Variants in PDE7B observed in about 807,000 individuals in gnomAD.
PDE7B encodes the protein phosphodiesterase 7B, also known as 3',5'-cyclic-AMP phosphodiesterase 7B.
In PDE7B, 29 loss-of-function variants were observed where a neutral mutation model predicts 56.2. That is an observed-to-expected ratio of 0.52 (90% CI 0.38 to 0.70). PDE7B has a LOEUF of 0.70. Ranked by LOEUF, PDE7B falls within the 30% of genes least tolerant of loss-of-function variation. The pLI is 0.00. For synonymous variants in PDE7B, 197 were observed against 196.9 expected (o/e 1.00, Z 0.00); for missense variants, 490 against 565.0 (o/e 0.87, Z 1.35).
At chr6:136,128,897 A>C (rs746017208) in intron 3 of PDE7B, among the ~76,000 whole-genome samples, 21 of 151,866 alleles carry the variant, frequency 1.4e-4, no homozygotes, top group Non-Finnish European at 2.5e-4. Context: ...GCTCCCCCCA[A>C]AGCCACCACC....
chr6:135,882,244 C>A (rs745437752), intron 1 of PDE7B, among the ~76,000 whole-genome samples: 1 of 152,134 alleles, frequency 6.6e-6, no homozygotes, highest in Non-Finnish European at 1.5e-5. Context: ...GTGTGACCCC[C>A]GCTGAGAACA....
At chr6:135,885,111 A>G (rs984306546) in intron 1 of PDE7B, among the ~76,000 whole-genome samples, 2 of 152,152 alleles carry the variant, frequency 1.3e-5, no homozygotes, top group African/African-American at 4.8e-5. Context: ...TAGTTCTGCC[A>G]TCATATTTCT....
At chr6:136,079,703 A>T (rs1441639605) in intron 2 of PDE7B, among the ~76,000 whole-genome samples, 1 of 147,572 alleles carries the variant, frequency 6.8e-6, no homozygotes, top group Non-Finnish European at 1.5e-5. Flanking sequence ...AACTGAAGAG[A>T]CCAGCCATTT....
At chr6:136,076,989 C>T (rs1777136716) in intron 2 of PDE7B, among the ~76,000 whole-genome samples, 1 of 151,988 alleles carries the variant, frequency 6.6e-6, no homozygotes, top group South Asian at 2.1e-4. Context: ...GGTAAGAATA[C>T]ACCATATGCG....
At chr6:136,120,902 T>C (rs1777922423) in intron 3 of PDE7B, among the ~76,000 whole-genome samples, 1 of 152,128 alleles carries the variant, frequency 6.6e-6, no homozygotes, top group Non-Finnish European at 1.5e-5. Context: ...TGGGCTAGTA[T>C]AGACAAGCCT....
At chr6:135,928,589 A>G (rs1437893837) in intron 1 of PDE7B, among the ~76,000 whole-genome samples, 2 of 147,082 alleles carry the variant, frequency 1.4e-5, no homozygotes, top group Non-Finnish European at 3.0e-5. Flanking sequence ...ACACATACAC[A>G]TACATACATA....
At chr6:135,924,187 T>C (rs996425767) in intron 1 of PDE7B, among the ~76,000 whole-genome samples, 2 of 152,200 alleles carry the variant, frequency 1.3e-5, no homozygotes, top group Non-Finnish European at 2.9e-5. Flanking sequence ...TAATTCTTAT[T>C]CCAGAAAAAT....
At chr6:136,054,349 A>G (rs935559034) in intron 2 of PDE7B, among the ~76,000 whole-genome samples, 1 of 152,180 alleles carries the variant, frequency 6.6e-6, no homozygotes, top group African/African-American at 2.4e-5. Context: ...AGGTTTGTCA[A>G]AGATCAGATA....
chr6:135,854,136 A>T (rs567264680), intron 1 of PDE7B, among the ~76,000 whole-genome samples: 1 of 152,332 alleles, frequency 6.6e-6, no homozygotes, highest in African/African-American at 2.4e-5. Flanking sequence ...CCACCTGGAA[A>T]ATGCCTCAGC....
chr6:136,172,131 G>A (rs1356735854), intron 8 of PDE7B, among the ~76,000 whole-genome samples: 1 of 152,052 alleles, frequency 6.6e-6, no homozygotes, highest in Non-Finnish European at 1.5e-5. Context: ...AGCATGATTT[G>A]TAGTCCTTTG....
Position 136,130,976 on chromosome 6 carries a change from T to A in PDE7B, c.167-16375T>A, listed in dbSNP as rs111782632. Among the ~76,000 whole-genome samples the A allele has an allele frequency of 3.4e-3, 524 of 152,170 alleles. 1 individual carries two copies. Among genetic ancestry groups the A allele is most frequent in the African/African-American group, 0.012 (504 of 41,530 alleles). On this transcript the variant is annotated intron_variant, in intron 3 of 12. Transcript: ENST00000308191. The stretch of plus-strand genomic sequence containing the variant: ...CATGATTCAATTATCTCCCACCGGG[T>A]CCCTCCCACAACATGTGGGAATTAT...
At chr6:135,973,974 G>T (rs887041079) in intron 2 of PDE7B, among the ~76,000 whole-genome samples, 2 of 152,110 alleles carry the variant, frequency 1.3e-5, no homozygotes, top group African/African-American at 4.8e-5. Flanking sequence ...TGTACTAGGG[G>T]TCCTCTGTTC....
intron 2 of PDE7B, among the ~76,000 whole-genome samples, chr6:136,028,426 A>C (rs1776188336): frequency 1.3e-5 from 2 of 152,256 alleles, no homozygotes; most frequent in African/African-American, 2.4e-5. Flanking sequence ...CAGTAACATA[A>C]TATATTTGTT....
At chr6:135,872,982 T>C (rs141017715) in intron 1 of PDE7B, among the ~76,000 whole-genome samples, 2,403 of 152,252 alleles carry the variant, frequency 0.016, 26 homozygotes, top group Middle Eastern at 0.037. Context: ...ATTAAAACTA[T>C]CTTGAACTTA....
intron 3 of PDE7B, among the ~76,000 whole-genome samples, chr6:136,114,407 C>A (rs1777798742): frequency 6.6e-6 from 1 of 151,868 alleles, no homozygotes; most frequent in South Asian, 2.1e-4. Flanking sequence ...ATATAAAACA[C>A]ACTCTCTTTG....
chr6:136,147,292 T>C, intron 3 of PDE7B, 59 bp from the exon 4 acceptor site: 1 of 1,111,662 alleles, frequency 9.0e-7, no homozygotes, highest in Non-Finnish European at 1.3e-6. Flanking sequence ...TTTTACAGAG[T>C]GGAGAAAATT....
intron 2 of PDE7B, among the ~76,000 whole-genome samples, chr6:136,098,870 C>A (rs1352852789): frequency 1.3e-5 from 2 of 152,054 alleles, no homozygotes; most frequent in Non-Finnish European, 2.9e-5. Context: ...TGGTTTGCTG[C>A]ACCCATTAAC....
intron 2 of PDE7B, among the ~76,000 whole-genome samples, chr6:135,977,636 A>T (rs891411186): frequency 3.9e-5 from 6 of 152,114 alleles, no homozygotes; most frequent in African/African-American, 1.4e-4. Flanking sequence ...GACCGAGACC[A>T]ATTTATTATC....
rs924142012 is a variant in PDE7B, at chr6:136,181,179, C to T, written c.949-48C>T. 6 of 1,414,248 alleles carry T rather than the reference C, an allele frequency of 4.2e-6. No individual in the cohort carries two copies. The African/African-American group carries it at 8.4e-5, about 20-fold the overall frequency. The allele number at this position is 1,414,248 out of a possible 1,614,324, so 87.6% of individuals were successfully genotyped here. On this transcript the variant is annotated intron_variant, in intron 10 of 12. Coordinates refer to ENST00000308191, the MANE Select transcript of PDE7B (RefSeq NM_018945.4). ...TCTTTGGCTTGGGGTGCTTTTGCAA[C>T]TGAAAGAACATCCTCTCACAATTTC... is the stretch of plus-strand genomic sequence containing the variant.
Sources: gnomAD v4.1 joint callset for allele counts (sites outside exome capture counted in the v4.1 genomes callset) on GRCh38, gnomAD v4.1.1 for gene constraint, MANE v1.5 for transcripts, NCBI Gene and HGNC (gene_info 2026-07-23, HGNC 2026-07-21) for gene names.